Variants in HTR6 observed in about 807,000 individuals in gnomAD.
HTR6 encodes the protein 5-hydroxytryptamine receptor 6.
HTR6 carries 15 observed loss-of-function variants against 17.4 expected under a neutral mutation model. The ratio of observed to expected loss-of-function variants is 0.86; its 90% confidence interval spans 0.58 to 1.33. HTR6 has a LOEUF of 1.33. HTR6 is among the 40% of genes most tolerant of loss of function. The pLI is 0.00. For missense variants in HTR6, 578 were observed against 616.0 expected (o/e 0.94, Z 0.65); for synonymous variants, 326 against 295.5 (o/e 1.10, Z -1.06).
At chr1:19,673,214 T>C (rs74521164) in intron 1 of HTR6, among the ~76,000 whole-genome samples, 1,957 of 152,364 alleles carry the variant, frequency 0.013, 49 homozygotes, top group African/African-American at 0.043. Flanking sequence ...CAGTGTATTA[T>C]TTTATTTTAT....
rs573111426 is a variant in HTR6 at position 19,666,770 on chromosome 1, G to A, written c.714+303G>A. On this transcript the variant is annotated intron_variant, in intron 1 of 2. Coordinates refer to ENST00000289753, the MANE Select transcript of HTR6 (RefSeq NM_000871.3). This position sits in a 1 kb window ranked among gnomAD's most constrained non-coding sequence, Gnocchi z 4.5. Reference sequence around the variant, plus strand: ...CCATCATGGCAAATGGCACCATTGCGGCATCACATGCCAGGAACTTAGGAA... The same window carrying A: ...CCATCATGGCAAATGGCACCATTGCAGCATCACATGCCAGGAACTTAGGAA... Among the ~76,000 whole-genome samples the A allele has an allele frequency of 4.7e-4, 72 of 151,850 alleles. No homozygotes were observed. Among genetic ancestry groups the A allele is most frequent in the South Asian group, 1.0e-3 (5 of 4,796 alleles).
chr1:19,680,874 C>T lies in HTR6; in HGVS notation c.*1506C>T, dbSNP rs1355348579. Among the ~76,000 whole-genome samples, 5 of 152,206 alleles carry T rather than the reference C, an allele frequency of 3.3e-5. No individual in the cohort carries two copies. Among genetic ancestry groups the T allele is most frequent in the Admixed American group, 1.3e-4 (2 of 15,286 alleles). On this transcript the variant is annotated 3_prime_UTR_variant, in exon 3 of 3. Coordinates refer to ENST00000289753, the MANE Select transcript of HTR6 (RefSeq NM_000871.3). ...TGATGAGACACAACTCTGGCCCCGG[C>T]GGCTGGCCTCTGAGGGGCCATGGTG...
intron 1 of HTR6, among the ~76,000 whole-genome samples, chr1:19,675,595 C>A (rs2095093241): frequency 6.6e-6 from 1 of 152,088 alleles, no homozygotes; most frequent in Admixed American, 6.5e-5. Flanking sequence ...GCTCCTTCCC[C>A]CAATGATTGA....
At chr1:19,677,081 G>A (rs746280326) in intron 1 of HTR6, among the ~76,000 whole-genome samples, 34 of 152,152 alleles carry the variant, frequency 2.2e-4, no homozygotes, top group Non-Finnish European at 2.9e-5. Context: ...CAGCTTTCAC[G>A]GACTCCTAGG....
rs1413543655 is a variant in HTR6 at position 19,665,115 on chromosome 1, C to A, written c.-639C>A. Among the ~76,000 whole-genome samples the A allele has an allele frequency of 6.6e-6, 1 of 151,734 alleles. No individual in the cohort carries two copies. Among genetic ancestry groups the A allele is most frequent in the African/African-American group, 2.4e-5 (1 of 41,388 alleles). On this transcript the variant is annotated 5_prime_UTR_variant, in exon 1 of 3. Coordinates refer to ENST00000289753, the MANE Select transcript of HTR6 (RefSeq NM_000871.3). This position sits in a 1 kb window ranked among gnomAD's most constrained non-coding sequence, Gnocchi z 4.2. ...CGCGCGGCCGCTGCCCTCCTCTTCC[C>A]GCGGGGCCTGGCGGCCCCGGCGAAC...
rs2095080474 is a variant in HTR6, at chr1:19,665,694, G to A, written c.-60G>A. 1.8e-6 allele frequency: 2 copies of A among 1,141,398 alleles called. No individual in the cohort carries two copies. Among genetic ancestry groups the A allele is most frequent in the Admixed American group, 2.8e-5 (1 of 35,572 alleles). The allele number at this position is 1,141,398 out of a possible 1,614,324, so 70.7% of individuals were successfully genotyped here. On this transcript the variant is annotated 5_prime_UTR_variant, in exon 1 of 3. Transcript: ENST00000289753. This position sits in a 1 kb window ranked among gnomAD's most constrained non-coding sequence, Gnocchi z 4.2. ...GTCCCCGTCCAGCCTGCGCTTCGCC[G>A]GGGCCCTCATCTGCTTTCCCGCCAC...
chr1:19,672,044 G>A (rs1055385980), intron 1 of HTR6, among the ~76,000 whole-genome samples: 18 of 152,156 alleles, frequency 1.2e-4, no homozygotes, highest in Non-Finnish European at 2.2e-4. Flanking sequence ...CCATCCTTGG[G>A]AGATTGTGGA....
intron 1 of HTR6, among the ~76,000 whole-genome samples, chr1:19,677,521 A>G (rs1027628941): frequency 1.3e-5 from 2 of 152,118 alleles, no homozygotes; most frequent in African/African-American, 4.8e-5. Flanking sequence ...ATGCCAAGGT[A>G]ACCAGCATCC....
chr1:19,674,569 CTAAT>C (rs2095092027), intron 1 of HTR6, among the ~76,000 whole-genome samples: 1 of 152,090 alleles, frequency 6.6e-6, no homozygotes, highest in Admixed American at 6.5e-5. Flanking sequence ...CCACACCTGG[CTAAT>C]TTTTTTATTT....
rs1036031002 is a variant in HTR6 at position 19,680,018 on chromosome 1, C to A, written c.*650C>A. 6.6e-6 allele frequency among the ~76,000 whole-genome samples: 1 copy of A among 152,166 alleles called. No individual in the cohort carries two copies. Among genetic ancestry groups the A allele is most frequent in the African/African-American group, 2.4e-5 (1 of 41,438 alleles). ...TGGTATATATGTGGCAGCAGCTGCACCTGGGAGGCAGGCAGGCATGCATGT... is the reference window on the plus strand; with the variant it reads ...TGGTATATATGTGGCAGCAGCTGCAACTGGGAGGCAGGCAGGCATGCATGT... On this transcript the variant is annotated 3_prime_UTR_variant, in exon 3 of 3. Coordinates refer to ENST00000289753, the MANE Select transcript of HTR6 (RefSeq NM_000871.3).
At chr1:19,668,761 C>A (rs183615394) in intron 1 of HTR6, among the ~76,000 whole-genome samples, 1 of 152,280 alleles carries the variant, frequency 6.6e-6, no homozygotes, top group Admixed American at 6.5e-5. Flanking sequence ...TTTACTTCCA[C>A]AAATTTGTGT....
At chr1:19,676,644 G>A (rs929515383) in intron 1 of HTR6, among the ~76,000 whole-genome samples, 2 of 152,240 alleles carry the variant, frequency 1.3e-5, no homozygotes, top group African/African-American at 4.8e-5. Flanking sequence ...GGCTGGAGGA[G>A]AGGGCATGCG....
chr1:19,676,133 C>T (rs765509825), intron 1 of HTR6, among the ~76,000 whole-genome samples: 9 of 152,168 alleles, frequency 5.9e-5, no homozygotes, highest in Non-Finnish European at 1.2e-4. Flanking sequence ...CCCAACCTCA[C>T]AACACATATC....
chr1:19,665,609 A>C lies in HTR6; in HGVS notation c.-145A>C. On this transcript the variant is annotated 5_prime_UTR_variant, in exon 1 of 3. An upstream start codon of the reference 5' UTR is lost. Transcript: ENST00000289753. The surrounding 1 kb of genome is among the most constrained non-coding windows in gnomAD (Gnocchi z 4.2). ...CTAGCGCGACCCAGCGCCCCCGCCC[A>C]TGTCCCCCCACTCACCTCCCCCGGG... 1.7e-6 allele frequency: 1 copy of C among 587,884 alleles called. No individual in the cohort carries two copies. The highest frequency in any genetic ancestry group is 2.9e-6 in the Non-Finnish European group (1 of 341,542). 36.4% of individuals were successfully genotyped at this position (587,884 alleles called of 1,614,324 possible). A position where few individuals can be genotyped will look rare whatever the true frequency, so the allele number is the denominator to read the frequency against.
chr1:19,674,685 C>T (rs1012008818), intron 1 of HTR6, among the ~76,000 whole-genome samples: 12 of 152,188 alleles, frequency 7.9e-5, no homozygotes, highest in Non-Finnish European at 1.3e-4. Context: ...AGATTATAGG[C>T]GTGAGCCACT....
At position 19,680,700 on chromosome 1, in the gene HTR6, G is replaced by A. The variant is rs2095101210; in HGVS notation, c.*1332G>A. Among the ~76,000 whole-genome samples the A allele has an allele frequency of 6.6e-6, 1 of 152,162 alleles. No homozygotes were observed. The highest frequency in any genetic ancestry group is 1.5e-5 in the Non-Finnish European group (1 of 68,016). On this transcript the variant is annotated 3_prime_UTR_variant, in exon 3 of 3. Coordinates refer to ENST00000289753, the MANE Select transcript of HTR6 (RefSeq NM_000871.3). ...GCAGGCAGGTGGACTCTGGCACAGG[G>A]GCCTTGGTTTCTGGGGGCAGGGGGT...
chr1:19,671,966 C>G (rs2095088867), intron 1 of HTR6, among the ~76,000 whole-genome samples: 1 of 151,872 alleles, frequency 6.6e-6, no homozygotes, highest in African/African-American at 2.4e-5. Context: ...GAGGAGCTAC[C>G]AGGGCAGGGG....
Position 19,678,718 on chromosome 1 carries a change from T to A in HTR6, c.866T>A (p.Ile289Lys), listed in dbSNP as rs1421591523. The stretch of plus-strand genomic sequence containing the variant: ...TGGTTGCCCTTCTTTGTGGCCAACA[T>A]AGTCCAGGTAATGCCACGGCAGGGG... ...VTWLPFFVAN[I>K]VQAVCDCISP... The change falls in exon 2 of 3, where the codon ATA becomes AAA. Residue 289 changes from isoleucine to lysine, a missense_variant. Transcript: ENST00000289753. 1 of 1,608,282 alleles carries A rather than the reference T, an allele frequency of 6.2e-7. No homozygotes were observed. Among genetic ancestry groups the A allele is most frequent in the African/African-American group, 1.3e-5 (1 of 74,774 alleles).
At position 19,679,155 on chromosome 1, in the gene HTR6, G is replaced by C; in HGVS notation, c.1110G>C (p.Leu370=). 1 of 1,603,164 alleles carries C rather than the reference G, an allele frequency of 6.2e-7. No individual in the cohort carries two copies. The highest frequency in any genetic ancestry group is 8.5e-7 in the Non-Finnish European group (1 of 1,176,828). Residue 370 remains leucine (L), a synonymous_variant, in exon 3 of 3, where the codon CTG becomes CTC. Transcript: ENST00000289753. The surrounding 1 kb of genome is among the most constrained non-coding windows in gnomAD (Gnocchi z 4.9). ...PRPGLSLQQV[L]PLPLPPDSDS... ...CCGGCCTTAGCCTACAGCAGGTGCT[G>C]CCGCTGCCCCTGCCGCCGGACTCAG... is the stretch of plus-strand genomic sequence containing the variant.
Sources: gnomAD v4.1 joint callset for allele counts (sites outside exome capture counted in the v4.1 genomes callset) on GRCh38, gnomAD v4.1.1 for gene constraint, Gnocchi (gnomAD v3.1) non-coding constraint, MANE v1.5 for transcripts, NCBI Gene and HGNC (gene_info 2026-07-23, HGNC 2026-07-21) for gene names.